The following FHDC1 variants were observed in gnomAD, a reference collection of about 807,000 sequenced individuals.
FHDC1 encodes FH2 domain containing 1.
A neutral mutation model predicts 52.6 loss-of-function variants in FHDC1; 25 were observed. The observed-to-expected ratio is 0.48, with a 90% CI of 0.35 to 0.66. The LOEUF (loss-of-function observed/expected upper bound fraction) is 0.66, where lower values mean the gene tolerates loss of function less well. FHDC1 is among the 30% of genes least tolerant of loss of function. FHDC1 has a pLI of 0.01. For missense variants in FHDC1, 1,459 were observed against 1,452.8 expected, an observed-to-expected ratio of 1.00 and a Z score of -0.07; for synonymous variants, 616 against 581.5, an observed-to-expected ratio of 1.06 and a Z score of -0.85.
chr4:152,966,977 G>T (rs1740481932), intron 9 of FHDC1, among the ~76,000 whole-genome samples: 1 of 152,090 alleles, frequency 6.6e-6, no homozygotes, highest in South Asian at 2.1e-4. Flanking sequence ...AAAATTAGCT[G>T]GGTGTGGTGG....
At chr4:152,923,523 G>A in the FHDC1 span, among the ~76,000 whole-genome samples, 3 of 152,038 alleles carry the variant, frequency 2.0e-5, no homozygotes, top group African/African-American at 7.2e-5. Context: ...AAGTTCATAT[G>A]GAACCAAAAA....
At chr4:152,954,446 G>A (rs926072165) in intron 4 of FHDC1, 127 bp downstream of exon 4, 8 of 649,654 alleles carry the variant, frequency 1.2e-5, no homozygotes, top group Non-Finnish European at 1.8e-5. Flanking sequence ...CAGCACTTTG[G>A]GAGGCAGAGG....
At chr4:152,925,705 G>C in the FHDC1 span, among the ~76,000 whole-genome samples, 1 of 149,836 alleles carries the variant, frequency 6.7e-6, no homozygotes, top group African/African-American at 2.5e-5. Flanking sequence ...CTTTTACAGT[G>C]CATCCTCCTT....
In FHDC1 at chr4:152,976,449, C is replaced by T; in HGVS notation, c.3158C>T (p.Pro1053Leu). Reference sequence around the variant, plus strand: ...CGAAGCATGAGAACAGATCTTCCTCCCGTGGCCAAAGCCCCCGGCATCACT... The same window carrying T: ...CGAAGCATGAGAACAGATCTTCCTCTCGTGGCCAAAGCCCCCGGCATCACT... ...SSRSMRTDLP[P>L]VAKAPGITRT... Residue 1053 changes from proline to leucine, a missense_variant, in exon 12 of 12, where the codon CCC becomes CTC. By Grantham distance (98) the Pro-to-Leu change is moderately conservative. This residue lies in a region of FHDC1 where 939 missense variants were observed against 854.5 expected (regional missense o/e 1.10). Coordinates refer to ENST00000511601, the MANE Select transcript of FHDC1 (RefSeq NM_001371116.1). 1 of 1,613,708 alleles carries T rather than the reference C, an allele frequency of 6.2e-7. No homozygotes were observed. The highest frequency in any genetic ancestry group is 8.5e-7 in the Non-Finnish European group (1 of 1,180,044).
chr4:152,963,760 C>T (rs913539999), intron 8 of FHDC1, among the ~76,000 whole-genome samples: 4 of 121,690 alleles, frequency 3.3e-5, no homozygotes, highest in Non-Finnish European at 5.0e-5. Context: ...TGATCCTATC[C>T]ATTGCTTTGT....
intron 11 of FHDC1, among the ~76,000 whole-genome samples, chr4:152,972,930 G>C (rs1740684616): frequency 6.6e-6 from 1 of 152,192 alleles, no homozygotes; most frequent in South Asian, 2.1e-4. Context: ...CTTCCAGGGA[G>C]ACTTCTGTTG....
rs1360903673 is a variant in FHDC1 at position 152,979,216 on chromosome 4, A to T, written c.*2493A>T. 6.6e-6 allele frequency: 1 copy of T among 152,162 alleles called. No homozygotes were observed. Among genetic ancestry groups the T allele is most frequent in the Non-Finnish European group, 1.5e-5 (1 of 68,062 alleles). The allele number at this position is 152,162 out of a possible 1,614,324, so 9.4% of individuals were successfully genotyped here. A position where few individuals can be genotyped will look rare whatever the true frequency, so the allele number is the denominator to read the frequency against. ...TCTTCCCAAGCCTGTTTCCCATATC[A>T]CAGATGTGGGGCCATGGCCTCGATG... On this transcript the variant is annotated 3_prime_UTR_variant, in exon 12 of 12. Transcript: ENST00000511601.
the FHDC1 span, among the ~76,000 whole-genome samples, chr4:152,929,361 G>A: frequency 1.3e-5 from 2 of 152,310 alleles, no homozygotes; most frequent in Admixed American, 6.5e-5. This position sits in a 1 kb window ranked among gnomAD's most constrained non-coding sequence, Gnocchi z 4.1. Context: ...TGTCTCACAT[G>A]AGCAGAGGGA....
Position 152,936,324 on chromosome 4 carries a change from G to C in FHDC1, c.-216G>C, listed in dbSNP as rs1013910058. The C allele has an allele frequency of 1.3e-5, 2 of 152,312 alleles. No individual in the cohort carries two copies. Among genetic ancestry groups the C allele is most frequent in the Admixed American group, 1.3e-4 (2 of 15,280 alleles). 9.4% of individuals were successfully genotyped at this position (152,312 alleles called of 1,614,324 possible). On this transcript the variant is annotated 5_prime_UTR_variant, in exon 1 of 12. Coordinates refer to ENST00000511601, the MANE Select transcript of FHDC1 (RefSeq NM_001371116.1). ...GCGCTCAGGGTTGGCTGGGCCTGCA[G>C]TGACCGGGAGGAGGCGGCTACGCCG...
chr4:152,931,424 C>G (rs575552583), upstream of FHDC1, among the ~76,000 whole-genome samples: 4 of 141,278 alleles, frequency 2.8e-5, no homozygotes, highest in South Asian at 9.2e-4. Context: ...TTTTTTTTTT[C>G]TTAGTCTCCT....
intron 4 of FHDC1, among the ~76,000 whole-genome samples, chr4:152,955,538 G>A (rs1052416109): frequency 1.3e-5 from 2 of 152,152 alleles, no homozygotes; most frequent in African/African-American, 4.8e-5. Context: ...CGCCCAGGCT[G>A]GAGTGCAGTG....
At chr4:152,942,183 G>T (rs527915324) in intron 1 of FHDC1, among the ~76,000 whole-genome samples, 1 of 152,182 alleles carries the variant, frequency 6.6e-6, no homozygotes, top group Non-Finnish European at 1.5e-5. Flanking sequence ...CCAAAGAGTG[G>T]CTTAACTAGA....
the FHDC1 span, among the ~76,000 whole-genome samples, chr4:152,922,709 A>G: frequency 7.9e-5 from 12 of 152,178 alleles, no homozygotes; most frequent in African/African-American, 2.9e-4. Flanking sequence ...CAATATACGC[A>G]AATCAATAAA....
chr4:152,949,170 A>AAGAAGAAGAAGAAGCAGC (rs1165422183), intron 2 of FHDC1, among the ~76,000 whole-genome samples: 3 of 142,572 alleles, frequency 2.1e-5, no homozygotes, highest in Non-Finnish European at 3.1e-5. Context: ...GAAGAAGAAG[A>AAGAAGAAGAAGAAGCAGC]AGCAGAAGAA....
At chr4:152,971,858 TC>T (rs1290148021) in intron 10 of FHDC1, among the ~76,000 whole-genome samples, 2 of 152,148 alleles carry the variant, frequency 1.3e-5, no homozygotes. Context: ...AGGGTTTTGG[TC>T]CTGTGGGGGT....
At chr4:152,951,149 C>T (rs1388518709) in intron 2 of FHDC1, among the ~76,000 whole-genome samples, 4 of 152,146 alleles carry the variant, frequency 2.6e-5, no homozygotes, top group African/African-American at 9.7e-5. Flanking sequence ...GAAAGGAATA[C>T]GAAACAAGTC....
chr4:152,950,333 C>A (rs1266126153), intron 2 of FHDC1, among the ~76,000 whole-genome samples: 3 of 152,086 alleles, frequency 2.0e-5, no homozygotes, highest in South Asian at 4.2e-4. Context: ...GGATCGAATG[C>A]GATAAAGTGG....
At position 152,952,329 on chromosome 4, in the gene FHDC1, C is replaced by CT. The variant is rs1739951959; in HGVS notation, c.499-1170_499-1169insT. ...TTTTATTTTCTCAGTTCAAATCTCA[C>CT]GCGATTCTTGTTAGGCCAAGACATC... On this transcript the variant is annotated intron_variant, in intron 2 of 11. Coordinates refer to ENST00000511601, the MANE Select transcript of FHDC1 (RefSeq NM_001371116.1). Among the ~76,000 whole-genome samples, 15 of 152,016 alleles carry CT rather than the reference C, an allele frequency of 9.9e-5. No individual in the cohort carries two copies. In the East Asian group the frequency reaches 2.9e-3, roughly 30 times the overall value.
chr4:152,925,412 A>G, the FHDC1 span, among the ~76,000 whole-genome samples: 17 of 152,200 alleles, frequency 1.1e-4, no homozygotes, highest in Non-Finnish European at 1.8e-4. Flanking sequence ...GTTGTCAGCT[A>G]GATAGCCCTA....
Sources: allele counts gnomAD v4.1 joint callset (sites outside exome capture counted in the v4.1 genomes callset), GRCh38; gene constraint gnomAD v4.1.1; regional missense constraint gnomAD v4.1.1; non-coding constraint Gnocchi (gnomAD v3.1); transcripts MANE v1.5; gene names NCBI Gene and HGNC (gene_info 2026-07-23, HGNC 2026-07-21).